Variants in AGTR1 observed in about 807,000 individuals in gnomAD.
The protein encoded by AGTR1 is angiotensin II receptor type 1.
AGTR1 carries 16 observed loss-of-function variants against 19.4 expected under a neutral mutation model. That is an observed-to-expected ratio of 0.82 (90% confidence interval 0.56 to 1.25). The LOEUF is 1.25. AGTR1 is among the 50% of genes most tolerant of loss of function. The probability of loss-of-function intolerance (pLI) is 0.00; values close to 1 mark genes in which losing one functional copy is unlikely to be tolerated. For synonymous variants in AGTR1, 153 were observed against 154.9 expected, an observed-to-expected ratio of 0.99 and a Z score of 0.09; for missense variants, 373 against 431.9, an observed-to-expected ratio of 0.86 and a Z score of 1.21.
intron 2 of AGTR1, among the ~76,000 whole-genome samples, chr3:148,727,831 G>T (rs2675511): frequency 6.6e-6 from 1 of 152,024 alleles, no homozygotes; most frequent in Non-Finnish European, 1.5e-5. Context: ...TTTCATAAAA[G>T]GTGAGAGATA....
chr3:148,700,650 T>C (rs1245734644), intron 1 of AGTR1, among the ~76,000 whole-genome samples: 1 of 152,158 alleles, frequency 6.6e-6, no homozygotes, highest in Non-Finnish European at 1.5e-5. Flanking sequence ...TTGAAGTCAG[T>C]CCAAGTGTTG....
At chr3:148,702,729 T>C (rs2638362) in intron 1 of AGTR1, among the ~76,000 whole-genome samples, 85,272 of 152,040 alleles carry the variant, frequency 0.56, 25,937 homozygotes, top group East Asian at 0.84. Context: ...ACAGTATGGA[T>C]GGCACCTAAC....
intron 2 of AGTR1, among the ~76,000 whole-genome samples, chr3:148,726,847 G>C (rs887464330): frequency 1.3e-5 from 2 of 152,118 alleles, no homozygotes; most frequent in African/African-American, 2.4e-5. Flanking sequence ...TACAGAAAAG[G>C]CTGCACTCTG....
At chr3:148,732,729 A>ATTT (rs1559930815) in intron 2 of AGTR1, among the ~76,000 whole-genome samples, 1 of 146,014 alleles carries the variant, frequency 6.8e-6, no homozygotes, top group African/African-American at 2.6e-5. Context: ...TGCTTCGGAA[A>ATTT]ATTTTTTTTT....
At chr3:148,738,059 T>C (rs1439854726) in intron 2 of AGTR1, among the ~76,000 whole-genome samples, 1 of 152,180 alleles carries the variant, frequency 6.6e-6, no homozygotes, top group East Asian at 1.9e-4. Flanking sequence ...TTATGAATGC[T>C]AGTTATAGTT....
intron 2 of AGTR1, chr3:148,739,956 G>A (rs944934007): frequency 1.7e-5 from 21 of 1,231,634 alleles, no homozygotes; most frequent in Admixed American, 4.2e-5. Context: ...TACCACATTC[G>A]GTGATGTCAC....
In AGTR1 at chr3:148,740,772, T is replaced by A. The variant is rs576510569; in HGVS notation, c.-47-217T>A. The stretch of plus-strand genomic sequence containing the variant: ...AGAATCCCAATTTCACTTCTCTGGA[T>A]GATACCATTTTCTACAAAAGCAATT... On this transcript the variant is annotated intron_variant, in intron 2 of 2. Transcript: ENST00000349243. Among the ~76,000 whole-genome samples, 5 of 152,368 alleles carry A rather than the reference T, an allele frequency of 3.3e-5. No individual in the cohort carries two copies. The East Asian group carries it at 9.6e-4, about 29-fold the overall frequency.
At chr3:148,721,023 TA>T (rs1299266907) in intron 2 of AGTR1, among the ~76,000 whole-genome samples, 2 of 152,228 alleles carry the variant, frequency 1.3e-5, no homozygotes, top group Non-Finnish European at 2.9e-5. Flanking sequence ...ACATTTCAGA[TA>T]AGCTTGTTTT....
intron 1 of AGTR1, among the ~76,000 whole-genome samples, chr3:148,702,199 A>G (rs1239458693): frequency 6.6e-6 from 1 of 151,944 alleles, no homozygotes; most frequent in Non-Finnish European, 1.5e-5. Flanking sequence ...CTGGTCTCAA[A>G]CTTCTGACCT....
rs557100915 is a variant in AGTR1 at position 148,736,185 on chromosome 3, A to T, written c.-47-4804A>T. ...AAAAGGAAAGAAAATCTTCATTCTT[A>T]TGCTTTAAGAACCAGGAAAGCTGTC... is the stretch of plus-strand genomic sequence containing the variant. On this transcript the variant is annotated intron_variant, in intron 2 of 2. Coordinates refer to ENST00000349243, the MANE Select transcript of AGTR1 (RefSeq NM_000685.5). 9.2e-5 allele frequency among the ~76,000 whole-genome samples: 14 copies of T among 152,334 alleles called. 1 individual carries two copies. Among genetic ancestry groups the T allele is most frequent in the African/African-American group, 3.4e-4 (14 of 41,576 alleles).
intron 2 of AGTR1, among the ~76,000 whole-genome samples, chr3:148,711,605 T>C (rs1712987971): frequency 1.3e-5 from 2 of 152,224 alleles, no homozygotes; most frequent in African/African-American, 2.4e-5. Context: ...GAAACATGTG[T>C]ACTCCAAATA....
At chr3:148,714,754 T>G (rs1713194421) in intron 2 of AGTR1, among the ~76,000 whole-genome samples, 1 of 152,160 alleles carries the variant, frequency 6.6e-6, no homozygotes, top group African/African-American at 2.4e-5. Flanking sequence ...GACCCCTGCA[T>G]TTTATGTCAG....
chr3:148,727,762 C>T (rs527400465), intron 2 of AGTR1, among the ~76,000 whole-genome samples: 24 of 152,062 alleles, frequency 1.6e-4, no homozygotes, highest in South Asian at 1.2e-3. Context: ...TAGTTTTCCC[C>T]GGAAGATATA....
rs12695916 is a variant in AGTR1 at position 148,738,183 on chromosome 3, TC to T, written c.-47-2803del. The stretch of plus-strand genomic sequence containing the variant: ...GAGAGAGAAGGAGAAGAAAATTTCC[TC>T]CCTGTTCTCATAGCTCAGGGCACCC... On this transcript the variant is annotated intron_variant, in intron 2 of 2. Transcript: ENST00000349243. Among the ~76,000 whole-genome samples, 1,346 of 152,222 alleles carry T rather than the reference TC, an allele frequency of 8.8e-3. 17 individuals carry two copies. The highest frequency in any genetic ancestry group is 0.031 in the African/African-American group (1,280 of 41,528).
chr3:148,732,730 ATTT>A (rs778034622), intron 2 of AGTR1, among the ~76,000 whole-genome samples: 1,242 of 109,680 alleles, frequency 0.011, no homozygotes, highest in Non-Finnish European at 0.017. Context: ...GCTTCGGAAA[ATTT>A]TTTTTTTTTT....
chr3:148,738,507 C>T (rs12721239), intron 2 of AGTR1, among the ~76,000 whole-genome samples: 11,932 of 151,972 alleles, frequency 0.079, 1,600 homozygotes, highest in African/African-American at 0.27. Flanking sequence ...GAATATGTGT[C>T]TATATAAATG....
At chr3:148,718,353 G>A (rs1713412666) in intron 2 of AGTR1, among the ~76,000 whole-genome samples, 1 of 152,116 alleles carries the variant, frequency 6.6e-6, no homozygotes, top group African/African-American at 2.4e-5. Context: ...TTCTTTAGGA[G>A]GCCTGCTGCA....
intron 2 of AGTR1, among the ~76,000 whole-genome samples, chr3:148,715,407 G>A (rs1325730647): frequency 1.3e-5 from 2 of 152,120 alleles, no homozygotes; most frequent in Non-Finnish European, 2.9e-5. Flanking sequence ...CTTAGGCAGA[G>A]GACTTAGTTA....
At chr3:148,726,349 C>T (rs891940884) in intron 2 of AGTR1, among the ~76,000 whole-genome samples, 1 of 152,086 alleles carries the variant, frequency 6.6e-6, no homozygotes. Flanking sequence ...GATGGGATTA[C>T]AGGTGCATGC....
Sources: gnomAD v4.1 joint callset for allele counts (sites outside exome capture counted in the v4.1 genomes callset) on GRCh38, gnomAD v4.1.1 for gene constraint, MANE v1.5 for transcripts, NCBI Gene and HGNC (gene_info 2026-07-23, HGNC 2026-07-21) for gene names.